GRIA1: variants seen among roughly 807,000 people sequenced by gnomAD.
GRIA1 encodes glutamate receptor 1.
GRIA1 carries 31 observed loss-of-function variants against 99.2 expected under a neutral mutation model. The observed-to-expected ratio is 0.31, with a 90% CI of 0.23 to 0.42. The LOEUF (loss-of-function observed/expected upper bound fraction) is 0.42, where lower values mean the gene tolerates loss of function less well. Ranked by LOEUF, GRIA1 falls within the 10% of genes least tolerant of loss-of-function variation. The pLI, the probability that GRIA1 is intolerant of heterozygous loss-of-function variation, is 1.00. For synonymous variants in GRIA1, 438 were observed against 432.4 expected (o/e 1.01, Z -0.16); for missense variants, 782 against 1,157.5 (o/e 0.68, Z 4.71).
Position 153,753,908 on chromosome 5 carries a change from A to G in GRIA1, c.1824-10526A>G, listed in dbSNP as rs139829030. Among the ~76,000 whole-genome samples, 62 of 152,310 alleles carry G rather than the reference A, an allele frequency of 4.1e-4. No individual in the cohort carries two copies. The East Asian group carries it at 0.011, about 28-fold the overall frequency. ...ATAAAAAGTAATGCTTTGTGTTTCA[A>G]CAGAAATTTCCAAGTGCTTTCCCCT... On this transcript the variant is annotated intron_variant, in intron 11 of 15. Coordinates refer to ENST00000285900, the MANE Select transcript of GRIA1 (RefSeq NM_000827.4).
At chr5:153,729,572 C>A (rs1467827145) in intron 11 of GRIA1, among the ~76,000 whole-genome samples, 1 of 151,886 alleles carries the variant, frequency 6.6e-6, no homozygotes, top group African/African-American at 2.4e-5. Context: ...ACAGAAAGAG[C>A]AAACTCATCC....
At chr5:153,711,125 C>T (rs182326740) in intron 11 of GRIA1, among the ~76,000 whole-genome samples, 51 of 152,224 alleles carry the variant, frequency 3.4e-4, no homozygotes, top group African/African-American at 1.2e-3. Context: ...GAAGCAGAGG[C>T]CTGCGCAGGG....
chr5:153,674,967 C>T (rs568140840), intron 6 of GRIA1, among the ~76,000 whole-genome samples: 25 of 152,266 alleles, frequency 1.6e-4, no homozygotes, highest in African/African-American at 6.0e-4. Context: ...TCTTGCTCTG[C>T]TGTCATCCAC....
chr5:153,718,986 T>C (rs927807227), intron 11 of GRIA1, among the ~76,000 whole-genome samples: 6 of 152,226 alleles, frequency 3.9e-5, no homozygotes, highest in African/African-American at 1.4e-4. Flanking sequence ...CTAGTGTTAC[T>C]CATTTCTCTG....
intron 2 of GRIA1, among the ~76,000 whole-genome samples, chr5:153,552,796 T>C (rs968126450): frequency 6.6e-6 from 1 of 152,222 alleles, no homozygotes; most frequent in African/African-American, 2.4e-5. Context: ...AATCATATTT[T>C]GCATAGCAAA....
chr5:153,566,716 CTTTTT>C (rs56127811), intron 2 of GRIA1, among the ~76,000 whole-genome samples: 12 of 116,558 alleles, frequency 1.0e-4, no homozygotes, highest in African/African-American at 3.9e-4. Flanking sequence ...CAAATATTGT[CTTTTT>C]TTTTTTTTTT....
intron 2 of GRIA1, among the ~76,000 whole-genome samples, chr5:153,589,593 G>A (rs932254114): frequency 6.6e-6 from 1 of 152,026 alleles, no homozygotes; most frequent in African/African-American, 2.4e-5. Context: ...TTGTCTGTGT[G>A]ATTCGGTGGT....
intron 6 of GRIA1, among the ~76,000 whole-genome samples, chr5:153,674,920 G>A (rs1405855402): frequency 6.6e-6 from 1 of 152,044 alleles, no homozygotes; most frequent in Non-Finnish European, 1.5e-5. Flanking sequence ...TTGTAAAATG[G>A]CTCCACAGTT....
At chr5:153,719,197 C>G (rs1759875401) in intron 11 of GRIA1, among the ~76,000 whole-genome samples, 2 of 152,108 alleles carry the variant, frequency 1.3e-5, no homozygotes, top group South Asian at 4.1e-4. Context: ...TGGAGTTAGG[C>G]CTGGGCTTAG....
At chr5:153,630,112 T>C (rs1451638364) in intron 2 of GRIA1, among the ~76,000 whole-genome samples, 1 of 152,134 alleles carries the variant, frequency 6.6e-6, no homozygotes, top group Admixed American at 6.5e-5. Context: ...TAAATGGCAA[T>C]AATAATAAAG....
intron 11 of GRIA1, among the ~76,000 whole-genome samples, chr5:153,708,409 T>C (rs566221424): frequency 3.9e-5 from 6 of 152,258 alleles, no homozygotes; most frequent in African/African-American, 1.4e-4. Context: ...TCCACTAGGG[T>C]ATCATAGGAG....
chr5:153,781,349 T>C (rs1178704581), intron 13 of GRIA1, among the ~76,000 whole-genome samples: 2 of 150,024 alleles, frequency 1.3e-5, no homozygotes, highest in Non-Finnish European at 3.0e-5. Context: ...TGTATTCCTT[T>C]AGAGGAATAA....
chr5:153,649,663 T>A (rs1305421414), intron 3 of GRIA1, among the ~76,000 whole-genome samples: 1 of 152,120 alleles, frequency 6.6e-6, no homozygotes, highest in Non-Finnish European at 1.5e-5. Flanking sequence ...GGTTTCATCA[T>A]GTTTGCCAGG....
intron 4 of GRIA1, among the ~76,000 whole-genome samples, chr5:153,655,580 T>C (rs1581411767): frequency 1.3e-5 from 2 of 152,242 alleles, no homozygotes; most frequent in South Asian, 4.1e-4. Context: ...ATCTGCCACT[T>C]AGTAGCTGTA....
At chr5:153,653,371 G>A (rs114396830) in intron 4 of GRIA1, among the ~76,000 whole-genome samples, 465 of 152,266 alleles carry the variant, frequency 3.1e-3, no homozygotes, top group Non-Finnish European at 5.0e-3. Flanking sequence ...GATGCTGAGC[G>A]TCCACTGGAG....
intron 2 of GRIA1, among the ~76,000 whole-genome samples, chr5:153,572,260 TG>T (rs1337751400): frequency 2.0e-5 from 3 of 151,998 alleles, no homozygotes; most frequent in Admixed American, 2.0e-4. Flanking sequence ...AATCAGCAAA[TG>T]GTGTGGGCCC....
At chr5:153,749,253 C>T (rs1276215140) in intron 11 of GRIA1, among the ~76,000 whole-genome samples, 2 of 152,138 alleles carry the variant, frequency 1.3e-5, no homozygotes, top group Non-Finnish European at 2.9e-5. Context: ...ATGTGACTTA[C>T]TAACTTCACA....
At chr5:153,681,891 G>A (rs764171866) in intron 7 of GRIA1, among the ~76,000 whole-genome samples, 12 of 152,126 alleles carry the variant, frequency 7.9e-5, no homozygotes, top group South Asian at 2.1e-4. Flanking sequence ...AAAAGTTAGC[G>A]GGATGTGTAG....
At chr5:153,586,440 G>T (rs1763489272) in intron 2 of GRIA1, among the ~76,000 whole-genome samples, 1 of 152,194 alleles carries the variant, frequency 6.6e-6, no homozygotes, top group Admixed American at 6.5e-5. Flanking sequence ...AGCTCACACA[G>T]TCAGTGCATG....
Sources: gnomAD v4.1 joint callset for allele counts (sites outside exome capture counted in the v4.1 genomes callset) on GRCh38, gnomAD v4.1.1 for gene constraint, MANE v1.5 for transcripts, NCBI Gene and HGNC (gene_info 2026-07-23, HGNC 2026-07-21) for gene names.